Variants in SEC14L5 observed in about 807,000 individuals in gnomAD.
SEC14L5 encodes the protein SEC14-like protein 5.
A neutral mutation model predicts 84.6 loss-of-function variants in SEC14L5; 96 were observed. That is an observed-to-expected ratio of 1.13 (90% CI 0.96 to 1.34). SEC14L5 has a LOEUF of 1.34. Ranked by LOEUF, SEC14L5 falls within the 40% of genes most tolerant of loss-of-function variation. The pLI, the probability that SEC14L5 is intolerant of heterozygous loss-of-function variation, is 0.00. For synonymous variants in SEC14L5, 546 were observed against 383.4 expected (o/e 1.42, Z -4.95); for missense variants, 1,224 against 942.5 (o/e 1.30, Z -3.91).
intron 12 of SEC14L5, among the ~76,000 whole-genome samples, chr16:5,007,118 C>T (rs903187392): frequency 4.6e-5 from 7 of 152,216 alleles, no homozygotes; most frequent in East Asian, 1.9e-4. Flanking sequence ...TGATCGTGGG[C>T]GAGTGGCCTG....
chr16:4,964,541 T>C (rs1340303522), intron 2 of SEC14L5, among the ~76,000 whole-genome samples: 1 of 151,726 alleles, frequency 6.6e-6, no homozygotes, highest in East Asian at 1.9e-4. Context: ...CCGAGTTCGC[T>C]CCATTGCACT....
At chr16:5,002,443 C>G (rs931809706) in intron 10 of SEC14L5, among the ~76,000 whole-genome samples, 18 of 151,934 alleles carry the variant, frequency 1.2e-4, no homozygotes, top group Non-Finnish European at 2.2e-4. Flanking sequence ...ATTACAGGTG[C>G]CTGCCACCAC....
chr16:4,959,885 G>A (rs1955098241), intron 2 of SEC14L5, among the ~76,000 whole-genome samples: 2 of 151,400 alleles, frequency 1.3e-5, no homozygotes, highest in South Asian at 2.1e-4. Flanking sequence ...CTACGCAGAG[G>A]TGGAGTCGGG....
At chr16:4,996,514 C>T (rs554156356) in intron 7 of SEC14L5, 54 bp downstream of exon 7, 53 of 907,572 alleles carry the variant, frequency 5.8e-5, no homozygotes, top group Non-Finnish European at 8.2e-5. Context: ...GACTGGTACT[C>T]AGCCTCCGTG....
intron 2 of SEC14L5, among the ~76,000 whole-genome samples, chr16:4,980,697 G>T (rs371430165): frequency 6.6e-6 from 1 of 152,154 alleles, no homozygotes; most frequent in Non-Finnish European, 1.5e-5. Context: ...CACGATAAAC[G>T]CTTTCAAAGA....
chr16:4,994,486 G>A (rs948507129), intron 6 of SEC14L5, among the ~76,000 whole-genome samples: 4 of 152,248 alleles, frequency 2.6e-5, no homozygotes, highest in South Asian at 4.2e-4. Context: ...TGGGACTACA[G>A]GCGTGCACCA....
intron 15 of SEC14L5, among the ~76,000 whole-genome samples, chr16:5,012,236 T>C (rs994862700): frequency 6.6e-6 from 1 of 152,114 alleles, no homozygotes; most frequent in African/African-American, 2.4e-5. Flanking sequence ...GGCGACAGGC[T>C]GAGGCCCAGG....
At chr16:4,987,487 G>A in intron 2 of SEC14L5, 70 bp from the exon 3 acceptor site, 2 of 1,308,178 alleles carry the variant, frequency 1.5e-6, no homozygotes, top group Non-Finnish European at 2.1e-6. Context: ...AGCAGATAAG[G>A]AGGTCGCGCT....
intron 2 of SEC14L5, among the ~76,000 whole-genome samples, chr16:4,985,800 A>G (rs568927983): frequency 3.3e-4 from 50 of 150,462 alleles, no homozygotes; most frequent in African/African-American, 1.1e-3. Context: ...TATTTATAAA[A>G]TTATATTATA....
At chr16:4,970,322 G>T (rs561482086) in intron 2 of SEC14L5, among the ~76,000 whole-genome samples, 2 of 152,162 alleles carry the variant, frequency 1.3e-5, no homozygotes, top group Admixed American at 1.3e-4. Flanking sequence ...GAGTGGGGAG[G>T]TGGGGGATGT....
At chr16:5,001,396 C>A (rs1168532239) in intron 10 of SEC14L5, among the ~76,000 whole-genome samples, 1 of 151,894 alleles carries the variant, frequency 6.6e-6, no homozygotes, top group Admixed American at 6.6e-5. Context: ...GTAGCTGGGA[C>A]TACAGGCACC....
chr16:5,004,902 A>G (rs1447612522), intron 11 of SEC14L5, among the ~76,000 whole-genome samples: 1 of 152,244 alleles, frequency 6.6e-6, no homozygotes, highest in East Asian at 1.9e-4. Flanking sequence ...GCATTCGTCC[A>G]TAAGAAGGAA....
At chr16:5,000,280 G>A (rs1279085111) in intron 8 of SEC14L5, among the ~76,000 whole-genome samples, 7 of 152,204 alleles carry the variant, frequency 4.6e-5, no homozygotes, top group Non-Finnish European at 7.3e-5. Flanking sequence ...GACAGAGCAA[G>A]ACTCTGTCTC....
chr16:4,959,069 C>A (rs1163093507), intron 1 of SEC14L5, among the ~76,000 whole-genome samples: 1 of 151,504 alleles, frequency 6.6e-6, no homozygotes, highest in Non-Finnish European at 1.5e-5. Context: ...TCTTGGAAGG[C>A]TGAGCGTGGT....
rs1955882755 is a variant in SEC14L5, at chr16:5,017,062, T to G, written c.*2092T>G. Reference sequence around the variant, plus strand: ...CTTTTCTCTTAAAAACTAGGTGTTATCCTACAAGTATGCTGGGATAAGCTG... The same window carrying G: ...CTTTTCTCTTAAAAACTAGGTGTTAGCCTACAAGTATGCTGGGATAAGCTG... On this transcript the variant is annotated 3_prime_UTR_variant, in exon 16 of 16. Transcript: ENST00000251170. 2 of 152,178 alleles carry G rather than the reference T, an allele frequency of 1.3e-5. No individual in the cohort carries two copies. The highest frequency in any genetic ancestry group is 2.1e-4 in the South Asian group (1 of 4,832). The allele number at this position is 152,178 out of a possible 1,614,324, so 9.4% of individuals were successfully genotyped here.
Position 4,959,276 on chromosome 16 carries a change from CTG to C in SEC14L5, c.-45_-44del. On this transcript the variant is annotated 5_prime_UTR_variant, in exon 2 of 16. Transcript: ENST00000251170. ...CACCAGTCACTCCTCGCCCCAGGCTCTGTGCACACCCCTGCCTGGTGACCTCC... is the reference window on the plus strand; with the variant it reads ...CACCAGTCACTCCTCGCCCCAGGCTCTGCACACCCCTGCCTGGTGACCTCC... 1 of 1,480,574 alleles carries C rather than the reference CTG, an allele frequency of 6.8e-7. No homozygotes were observed. The highest frequency in any genetic ancestry group is 9.4e-7 in the Non-Finnish European group (1 of 1,058,336). 91.7% of individuals were successfully genotyped at this position (1,480,574 alleles called of 1,614,324 possible).
At chr16:5,010,988 A>G in intron 14 of SEC14L5, 107 bp from the exon 15 acceptor site, 1 of 1,086,384 alleles carries the variant, frequency 9.2e-7, no homozygotes, top group Non-Finnish European at 1.3e-6. Flanking sequence ...CAGAGGGAGA[A>G]GAGCCCCAAT....
chr16:4,969,007 C>T (rs146942145), intron 2 of SEC14L5, among the ~76,000 whole-genome samples: 10 of 152,362 alleles, frequency 6.6e-5, no homozygotes, highest in South Asian at 2.1e-4. Flanking sequence ...TTCGCTGTTA[C>T]GGAGGTAGTT....
At chr16:4,987,523 C>G in intron 2 of SEC14L5, 34 bp from the exon 3 acceptor site, 1 of 1,506,092 alleles carries the variant, frequency 6.6e-7, no homozygotes, top group Non-Finnish European at 8.9e-7. Context: ...TCTGCCCCCC[C>G]CACCACGGCC....
Sources: allele counts gnomAD v4.1 joint callset (sites outside exome capture counted in the v4.1 genomes callset), GRCh38; gene constraint gnomAD v4.1.1; transcripts MANE v1.5; gene names NCBI Gene and HGNC (gene_info 2026-07-23, HGNC 2026-07-21).